Variants in LPP observed in about 807,000 individuals in gnomAD.
The protein encoded by LPP is lipoma-preferred partner.
LPP carries 38 observed loss-of-function variants against 60.4 expected under a neutral mutation model. The ratio of observed to expected loss-of-function variants is 0.63; its 90% CI spans 0.49 to 0.83. The LOEUF is 0.83. Ranked by LOEUF, LPP falls within the 40% of genes least tolerant of loss-of-function variation. The probability of loss-of-function intolerance (pLI) is 0.00; values close to 1 mark genes in which losing one functional copy is unlikely to be tolerated. For missense variants in LPP, 902 were observed against 783.6 expected (o/e 1.15, Z -1.80); for synonymous variants, 328 against 290.8 (o/e 1.13, Z -1.30).
At chr3:188,822,404 G>A (rs565399886) in intron 9 of LPP, among the ~76,000 whole-genome samples, 23 of 152,242 alleles carry the variant, frequency 1.5e-4, no homozygotes, top group East Asian at 1.9e-4. Context: ...AGGGACAGAC[G>A]ATTGATGAGA....
chr3:188,824,059 A>G (rs1034799772), intron 9 of LPP, among the ~76,000 whole-genome samples: 8 of 152,218 alleles, frequency 5.3e-5, no homozygotes, highest in African/African-American at 1.7e-4. Context: ...ATATGTATTT[A>G]AGTAGAAAGA....
At chr3:188,276,699 CTCTCTCTCTCTCTCTCTCTCTCTCTG>C (rs1159198239) in intron 2 of LPP, among the ~76,000 whole-genome samples, 1 of 115,900 alleles carries the variant, frequency 8.6e-6, no homozygotes, top group African/African-American at 4.3e-5. Context: ...CTCTCTTTCT[CTCTCTCTCTCTCTCTCTCTCTCTCTG>C]TCTGTCCTCC....
At position 188,877,498 on chromosome 3, in the gene LPP, C is replaced by T. The variant is rs1402647116; in HGVS notation, c.*3019C>T. 1 of 187,082 alleles carries T rather than the reference C, an allele frequency of 5.3e-6. No homozygotes were observed. 11.6% of individuals were successfully genotyped at this position (187,082 alleles called of 1,614,324 possible). A position where few individuals can be genotyped will look rare whatever the true frequency, so the allele number is the denominator to read the frequency against. On this transcript the variant is annotated 3_prime_UTR_variant, in exon 12 of 12. Coordinates refer to ENST00000617246, the MANE Select transcript of LPP (RefSeq NM_001375462.1). Reference sequence around the variant, plus strand: ...AGGATTTCTTAAATTTTTCAACCCCCAGACCATACTGACTCAACATGGAGT... The same window carrying T: ...AGGATTTCTTAAATTTTTCAACCCCTAGACCATACTGACTCAACATGGAGT...
At chr3:188,277,233 C>T (rs1283389245) in intron 2 of LPP, among the ~76,000 whole-genome samples, 1 of 152,012 alleles carries the variant, frequency 6.6e-6, no homozygotes, top group Non-Finnish European at 1.5e-5. Flanking sequence ...TACCCAATCT[C>T]GGGTATTTCT....
rs113467956 is a variant in LPP, at chr3:188,872,556, C to G, written c.1590-87C>G. 2,846 of 1,484,708 alleles carry G rather than the reference C, an allele frequency of 1.9e-3. 4 individuals are homozygous for G. Among genetic ancestry groups the G allele is most frequent in the Non-Finnish European group, 2.4e-3 (2,530 of 1,067,506 alleles). 92.0% of individuals were successfully genotyped at this position (1,484,708 alleles called of 1,614,324 possible). ...GGATGAGGAAGCAGGTATACCGACT[C>G]TCAGTTTCCACCTCTTCCTTTTACC... On this transcript the variant is annotated intron_variant, in intron 10 of 11. Coordinates refer to ENST00000617246, the MANE Select transcript of LPP (RefSeq NM_001375462.1).
At position 188,856,271 on chromosome 3, in the gene LPP, A is replaced by G. The variant is rs559911401; in HGVS notation, c.1411-9929A>G. Among the ~76,000 whole-genome samples, 4 of 152,354 alleles carry G rather than the reference A, an allele frequency of 2.6e-5. No homozygotes were observed. The East Asian group carries it at 7.7e-4, about 29-fold the overall frequency. ...GCATTCCAGGTATGTAAACTAAATAAGATACATGGCAAGAAAAATTACCTG... is the reference window on the plus strand; with the variant it reads ...GCATTCCAGGTATGTAAACTAAATAGGATACATGGCAAGAAAAATTACCTG... On this transcript the variant is annotated intron_variant, in intron 9 of 11. Transcript: ENST00000617246.
At chr3:188,370,386 G>T (rs1772669160) in intron 3 of LPP, among the ~76,000 whole-genome samples, 1 of 152,198 alleles carries the variant, frequency 6.6e-6, no homozygotes, top group African/African-American at 2.4e-5. Flanking sequence ...AGTGATGGCA[G>T]CAAGATAGAT....
chr3:188,276,692 TCTTTC>T, intron 2 of LPP, among the ~76,000 whole-genome samples: 1 of 15,414 alleles, frequency 6.5e-5, no homozygotes, highest in East Asian at 5.1e-4. Context: ...TCTCTCTCTC[TCTTTC>T]TCTCTCTCTC....
intron 6 of LPP, among the ~76,000 whole-genome samples, chr3:188,531,808 A>G (rs1008392429): frequency 6.6e-6 from 1 of 152,144 alleles, no homozygotes; most frequent in African/African-American, 2.4e-5. Flanking sequence ...CATTTCCCTG[A>G]GTTTCATGAG....
At chr3:188,364,497 C>T (rs6790359) in intron 3 of LPP, among the ~76,000 whole-genome samples, 107,004 of 152,102 alleles carry the variant, frequency 0.7, 38,843 homozygotes, top group East Asian at 0.94. Context: ...CAGAAAACTT[C>T]TATTGGAGAT....
chr3:188,607,418 A>ATATATATATATAAT (rs1842732460), intron 6 of LPP, among the ~76,000 whole-genome samples: 1 of 38,498 alleles, frequency 2.6e-5, no homozygotes, highest in Non-Finnish European at 8.0e-5. Flanking sequence ...TATATATATA[A>ATATATATATATAAT]TTTTTTTTTC....
intron 1 of LPP, among the ~76,000 whole-genome samples, chr3:188,170,718 C>G (rs55997332): frequency 0.045 from 6,877 of 152,228 alleles, 177 homozygotes; most frequent in Middle Eastern, 0.099. Context: ...CTCCAACTTA[C>G]CTTCCCCCCA....
intron 7 of LPP, among the ~76,000 whole-genome samples, chr3:188,656,241 C>A (rs1482701705): frequency 6.6e-6 from 1 of 150,894 alleles, no homozygotes; most frequent in Non-Finnish European, 1.5e-5. Context: ...GAAAGAAGGT[C>A]TGTGCCCAGG....
chr3:188,164,627 CA>C (rs1272047867), intron 1 of LPP, among the ~76,000 whole-genome samples: 1 of 152,136 alleles, frequency 6.6e-6, no homozygotes, highest in East Asian at 1.9e-4. Context: ...CTGCCCTGGC[CA>C]GGCAGGTAAG....
chr3:188,832,950 C>T (rs1372545891), intron 9 of LPP, among the ~76,000 whole-genome samples: 4 of 152,128 alleles, frequency 2.6e-5, no homozygotes, highest in African/African-American at 4.8e-5. Context: ...TCTGGCAAGT[C>T]GATAACACTG....
intron 8 of LPP, among the ~76,000 whole-genome samples, chr3:188,718,279 TG>T (rs1408572278): frequency 6.6e-6 from 1 of 152,172 alleles, no homozygotes; most frequent in Non-Finnish European, 1.5e-5. Flanking sequence ...TTGAATTCTA[TG>T]GTCAAAATTT....
intron 7 of LPP, among the ~76,000 whole-genome samples, chr3:188,703,770 C>T (rs983182015): frequency 4.6e-5 from 7 of 152,066 alleles, no homozygotes; most frequent in South Asian, 2.1e-4. Flanking sequence ...AGAATGATAA[C>T]GTTTTTCTCA....
intron 3 of LPP, among the ~76,000 whole-genome samples, chr3:188,373,822 A>G (rs985623627): frequency 1.3e-5 from 2 of 151,568 alleles, no homozygotes; most frequent in Admixed American, 6.6e-5. Context: ...GTTTTCTTCT[A>G]GGGTTTTTAT....
At chr3:188,746,790 A>T (rs191492684) in intron 8 of LPP, among the ~76,000 whole-genome samples, 11 of 152,326 alleles carry the variant, frequency 7.2e-5, no homozygotes, top group African/African-American at 2.6e-4. Context: ...ACATTAGTAC[A>T]AGAGGAATCA....
Sources: gnomAD v4.1 joint callset for allele counts (sites outside exome capture counted in the v4.1 genomes callset) on GRCh38, gnomAD v4.1.1 for gene constraint, MANE v1.5 for transcripts, NCBI Gene and HGNC (gene_info 2026-07-23, HGNC 2026-07-21) for gene names.